Variants in PLK2 observed in about 807,000 individuals in gnomAD.
PLK2 encodes polo like kinase 2.
PLK2 carries 25 observed loss-of-function variants against 78.1 expected under a neutral mutation model. The observed-to-expected ratio is 0.32, with a 90% CI of 0.23 to 0.45. PLK2 has a LOEUF of 0.45. Among genes scored for constraint, PLK2 ranks in the 20% least tolerant of loss-of-function variants. The probability of loss-of-function intolerance (pLI) is 1.00; values close to 1 mark genes in which losing one functional copy is unlikely to be tolerated. For synonymous variants in PLK2, 332 were observed against 298.2 expected (o/e 1.11, Z -1.17); for missense variants, 566 against 840.2 (o/e 0.67, Z 4.04).
chr5:58,456,565 T>A lies in PLK2; in HGVS notation c.1181A>T (p.Asp394Val). The A allele has an allele frequency of 1.2e-6, 2 of 1,600,624 alleles. No individual in the cohort carries two copies. Among genetic ancestry groups the A allele is most frequent in the South Asian group, 2.2e-5 (2 of 90,718 alleles). Residue 394 changes from aspartate to valine, a missense_variant, in exon 9 of 14, where the codon GAC (aspartate) becomes GTC (valine). This residue lies in a region of PLK2 where 129 missense variants were observed against 156.0 expected (regional missense o/e 0.83). Transcript: ENST00000274289. ...THNRVSKEDE[D>V]IYKLRHDLKK... ...CAAATCATGCCTAAGCTTGTAGATGTCTTCATCTTCTTTAGACACTCTATC... is the reference window on the plus strand; with the variant it reads ...CAAATCATGCCTAAGCTTGTAGATGACTTCATCTTCTTTAGACACTCTATC...
In PLK2 at chr5:58,456,599, A is replaced by C; in HGVS notation, c.1157-10T>G. ...TCTTTAGACACTCTATCTGTATATC[A>C]AGAAACAGAATTACAAACATTAGTC... is the stretch of plus-strand genomic sequence containing the variant. On this transcript the variant is annotated splice_polypyrimidine_tract_variant and intron_variant, in intron 8 of 13. Coordinates refer to ENST00000274289, the MANE Select transcript of PLK2 (RefSeq NM_006622.4). 1 of 1,443,262 alleles carries C rather than the reference A, an allele frequency of 6.9e-7. No individual in the cohort carries two copies. The highest frequency in any genetic ancestry group is 9.7e-7 in the Non-Finnish European group (1 of 1,028,988). 89.4% of individuals were successfully genotyped at this position (1,443,262 alleles called of 1,614,324 possible). A position where few individuals can be genotyped will look rare whatever the true frequency, so the allele number is the denominator to read the frequency against.
chr5:58,456,184 G>C (rs368705049), intron 9 of PLK2, 29 bp from the exon 10 acceptor site: 6 of 1,595,788 alleles, frequency 3.8e-6, no homozygotes, highest in African/African-American at 1.4e-5. Flanking sequence ...TATGCAATGA[G>C]TCAAGCATCT....
In PLK2 at chr5:58,459,733, G is replaced by T; in HGVS notation, c.227C>A (p.Pro76His). The T allele has an allele frequency of 6.2e-7, 1 of 1,605,058 alleles. No homozygotes were observed. The highest frequency in any genetic ancestry group is 8.5e-7 in the Non-Finnish European group (1 of 1,177,684). The change falls in exon 1 of 14, where the codon CCC (proline) becomes CAC (histidine). Residue 76 changes from proline (P) to histidine (H), a missense_variant. Physicochemically the swap from Pro to His is moderately conservative, Grantham distance 77. This residue lies in a region of PLK2 where 127 missense variants were observed against 122.5 expected (regional missense o/e 1.04). Coordinates refer to ENST00000274289, the MANE Select transcript of PLK2 (RefSeq NM_006622.4). ...CCGGCAGTAGCGCTTCCCAGTCGTG[G>T]GGTCGACGATAATCCGCGAGATCTC... is the stretch of plus-strand genomic sequence containing the variant. ...GPEISRIIVD[P>H]TTGKRYCRGK...
chr5:58,458,276 C>G (rs1427088945), intron 4 of PLK2, 105 bp from the exon 5 acceptor site: 2 of 1,308,258 alleles, frequency 1.5e-6, no homozygotes, highest in African/African-American at 2.9e-5. Context: ...ATATGAAAGT[C>G]GCCCATTCAA....
intron 9 of PLK2, 83 bp from the exon 10 acceptor site, chr5:58,456,238 G>A: frequency 7.6e-7 from 1 of 1,321,874 alleles, no homozygotes; most frequent in Non-Finnish European, 1.1e-6. Flanking sequence ...ATGAGAGTGA[G>A]GCAATTGCTG....
In PLK2 at chr5:58,457,475, T is replaced by G. The variant is rs1743641035; in HGVS notation, c.809+13A>C. On this transcript the variant is annotated intron_variant, in intron 6 of 13. Coordinates refer to ENST00000274289, the MANE Select transcript of PLK2 (RefSeq NM_006622.4). The stretch of plus-strand genomic sequence containing the variant: ...CGAATTTGCTTTTTAATTATTCTGC[T>G]GCATTTACTTACATTACACAGCCCA... 1 of 1,598,366 alleles carries G rather than the reference T, an allele frequency of 6.3e-7. No individual in the cohort carries two copies. The highest frequency in any genetic ancestry group is 1.1e-5 in the South Asian group (1 of 90,720).
chr5:58,459,561 C>A, intron 1 of PLK2, 129 bp downstream of exon 1: 1 of 789,298 alleles, frequency 1.3e-6, no homozygotes, highest in Non-Finnish European at 1.9e-6. Context: ...AGGAGCCCAC[C>A]TCGCGCTGGG....
At position 58,455,561 on chromosome 5, in the gene PLK2, T is replaced by TGTGA; in HGVS notation, c.1599_1602dup (p.Met535SerfsTer30). On this transcript the variant is annotated frameshift_variant, in exon 11 of 14. Coordinates refer to ENST00000274289, the MANE Select transcript of PLK2 (RefSeq NM_006622.4). LOFTEE classifies it high-confidence loss of function. ...TACTTTTTGTCTGGAAGGAGGCTCA[T>TGTGA]GTGAGCACCATTGTTGAAAAGGACA... The TGTGA allele has an allele frequency of 6.2e-7, 1 of 1,614,170 alleles. No homozygotes were observed. Among genetic ancestry groups the TGTGA allele is most frequent in the Non-Finnish European group, 8.5e-7 (1 of 1,180,004 alleles).
chr5:58,459,774 A>C lies in PLK2; in HGVS notation c.186T>G (p.His62Gln). 6.2e-7 allele frequency: 1 copy of C among 1,607,452 alleles called. No individual in the cohort carries two copies. Among genetic ancestry groups the C allele is most frequent in the Non-Finnish European group, 8.5e-7 (1 of 1,179,630 alleles). Residue 62 changes from histidine to glutamine, a missense_variant, in exon 1 of 14, where the codon CAT becomes CAG. His to Gln is a conservative substitution (Grantham distance 24, BLOSUM62 0). Around this residue, in one of 5 missense-constraint regions of PLK2, gnomAD observed 127 missense variants for 122.5 expected, o/e 1.04. Coordinates refer to ENST00000274289, the MANE Select transcript of PLK2 (RefSeq NM_006622.4). ...GCGAGATCTCCGGCCCCGAGTGCGA[A>C]TGGTGGTGATGGTGGTGAGGGGCCG... ...PPAAPHHHHH[H>Q]SHSGPEISRI...
intron 4 of PLK2, 96 bp from the exon 5 acceptor site, chr5:58,458,267 T>C (rs767081384): frequency 1.1e-5 from 14 of 1,302,764 alleles, no homozygotes; most frequent in East Asian, 2.3e-5. Context: ...CCAATTGTTA[T>C]ATGAAAGTCG....
chr5:58,456,744 C>A (rs1743616296), intron 8 of PLK2, 155 bp from the exon 9 acceptor site: 2 of 636,266 alleles, frequency 3.1e-6, no homozygotes, highest in South Asian at 2.2e-5. Context: ...CAGCTACCCC[C>A]AAAAGCCCTC....
In PLK2 at chr5:58,457,171, G is replaced by A. The variant is rs775243602; in HGVS notation, c.1008+10C>T. Reference sequence around the variant, plus strand: ...ACCAGGTAATTAAAAAAAAAAGATAGTGCACCAACCTGCAAAAAAAAGTCA... The same window carrying A: ...ACCAGGTAATTAAAAAAAAAAGATAATGCACCAACCTGCAAAAAAAAGTCA... On this transcript the variant is annotated intron_variant, in intron 7 of 13. Coordinates refer to ENST00000274289, the MANE Select transcript of PLK2 (RefSeq NM_006622.4). The A allele has an allele frequency of 1.9e-6, 3 of 1,612,620 alleles. No homozygotes were observed. The highest frequency in any genetic ancestry group is 1.7e-6 in the Non-Finnish European group (2 of 1,179,062).
chr5:58,455,249 C>T (rs747518840), intron 12 of PLK2, 36 bp downstream of exon 12: 1 of 1,610,540 alleles, frequency 6.2e-7, no homozygotes. Context: ...GTGGCCTACA[C>T]TTCAAATGTC....
chr5:58,457,032 A>G lies in PLK2; in HGVS notation c.1069T>C (p.Ser357Pro), dbSNP rs534711183. 98 of 1,613,728 alleles carry G rather than the reference A, an allele frequency of 6.1e-5. 2 individuals are homozygous for G. In the South Asian group the frequency reaches 8.6e-4, roughly 14 times the overall value. ...CCHTVPDFHL[S>P]SPAKNFFKKA... Reference sequence around the variant, plus strand: ...TTAAAGAAATTCTTAGCTGGGCTTGATAAGTGGAAATCTGGAACTGTATGA... The same window carrying G: ...TTAAAGAAATTCTTAGCTGGGCTTGGTAAGTGGAAATCTGGAACTGTATGA... Residue 357 changes from serine to proline, a missense_variant, in exon 8 of 14, where the codon TCA becomes CCA. This residue lies in a region of PLK2 where 179 missense variants were observed against 342.3 expected (regional missense o/e 0.52). Coordinates refer to ENST00000274289, the MANE Select transcript of PLK2 (RefSeq NM_006622.4).
chr5:58,457,416 A>G, intron 6 of PLK2, 37 bp from the exon 7 acceptor site: 2 of 1,581,704 alleles, frequency 1.3e-6, no homozygotes, highest in Non-Finnish European at 1.7e-6. Flanking sequence ...CAATGGTCAT[A>G]AAGCAACTCT....
intron 5 of PLK2, 200 bp from the exon 6 acceptor site, chr5:58,457,783 A>G (rs1743648390): frequency 3.4e-6 from 2 of 593,552 alleles, no homozygotes; most frequent in Non-Finnish European, 6.0e-6. Context: ...ATTTTTAAAA[A>G]TGCACACACG....
chr5:58,454,633 T>C lies in PLK2; in HGVS notation c.2008A>G (p.Lys670Glu). 1 of 1,614,054 alleles carries C rather than the reference T, an allele frequency of 6.2e-7. No individual in the cohort carries two copies. Residue 670 changes from lysine to glutamate, a missense_variant, in exon 14 of 14, where the codon AAA becomes GAA. Around this residue, in one of 5 missense-constraint regions of PLK2, gnomAD observed 130 missense variants for 196.4 expected, o/e 0.66. Transcript: ENST00000274289. ...TTCAGGGCATATTCCATTCGATTTT[T>C]TAATTCTGATGAACAGCCAGACATC... ...LLMSGCSSELKNRMEYALNML... is the reference protein window; with the variant it reads ...LLMSGCSSELENRMEYALNML...
Position 58,454,535 on chromosome 5 carries a change from T to C in PLK2, c.*48A>G. The C allele has an allele frequency of 1.6e-6, 2 of 1,265,730 alleles. No individual in the cohort carries two copies. The highest frequency in any genetic ancestry group is 2.7e-5 in the South Asian group (2 of 74,060). The allele number at this position is 1,265,730 out of a possible 1,614,324, so 78.4% of individuals were successfully genotyped here. On this transcript the variant is annotated 3_prime_UTR_variant, in exon 14 of 14. Coordinates refer to ENST00000274289, the MANE Select transcript of PLK2 (RefSeq NM_006622.4). Reference sequence around the variant, plus strand: ...ATCATTCTTTTGGCTTCCCTGTAGATCTCACAGTGGAAAAGAGGAGTCCCA... The same window carrying C: ...ATCATTCTTTTGGCTTCCCTGTAGACCTCACAGTGGAAAAGAGGAGTCCCA...
chr5:58,455,191 A>G (rs1743562829), intron 12 of PLK2, 94 bp downstream of exon 12: 6 of 1,434,926 alleles, frequency 4.2e-6, no homozygotes, highest in Non-Finnish European at 3.9e-6. Context: ...GTAGGTCAGG[A>G]GAATCTGTTT....
Sources: gnomAD v4.1 joint callset for allele counts on GRCh38, gnomAD v4.1.1 for gene constraint, gnomAD v4.1.1 regional missense constraint, MANE v1.5 for transcripts, NCBI Gene and HGNC (gene_info 2026-07-23, HGNC 2026-07-21) for gene names.